Variants in ONECUT3 observed in about 807,000 individuals in gnomAD.
ONECUT3 encodes one cut homeobox 3.
ONECUT3 carries 11 observed loss-of-function variants against 16.8 expected under a neutral mutation model. The ratio of observed to expected loss-of-function variants is 0.66; its 90% CI spans 0.41 to 1.09. The LOEUF is 1.09. Ranked by LOEUF, ONECUT3 falls within the 50% of genes least tolerant of loss-of-function variation. The pLI is 0.00. For synonymous variants in ONECUT3, 344 were observed against 310.7 expected (o/e 1.11, Z -1.13); for missense variants, 637 against 629.9 (o/e 1.01, Z -0.12).
rs1470495167 is a variant in ONECUT3 at position 1,759,856 on chromosome 19, C to T, written c.1192+5002C>T. Among the ~76,000 whole-genome samples, 3 of 152,172 alleles carry T rather than the reference C, an allele frequency of 2.0e-5. No homozygotes were observed. Among genetic ancestry groups the T allele is most frequent in the Non-Finnish European group, 2.9e-5 (2 of 68,018 alleles). ...AGGGATGCACGGAGTGTGGATAGACCGAGACCGTGCCCAGGGCCACGAGAA... is the reference window on the plus strand; with the variant it reads ...AGGGATGCACGGAGTGTGGATAGACTGAGACCGTGCCCAGGGCCACGAGAA... On this transcript the variant is annotated intron_variant, in intron 1 of 1. Coordinates refer to ENST00000382349, the MANE Select transcript of ONECUT3 (RefSeq NM_001080488.2). The surrounding 1 kb of genome is among the most constrained non-coding windows in gnomAD (Gnocchi z 4.1).
chr19:1,775,097 C>A, intron 1 of ONECUT3, 56 bp from the exon 2 acceptor site: 1 of 1,227,010 alleles, frequency 8.1e-7, no homozygotes, highest in Non-Finnish European at 1.1e-6. Context: ...TCTCCCCGGC[C>A]GGCCACACGG....
intron 1 of ONECUT3, among the ~76,000 whole-genome samples, chr19:1,760,970 T>C (rs2067943393): frequency 6.6e-6 from 1 of 151,458 alleles, no homozygotes; most frequent in Non-Finnish European, 1.5e-5. Context: ...CCAACAACCA[T>C]TACCACTCTA....
intron 1 of ONECUT3, among the ~76,000 whole-genome samples, chr19:1,770,359 C>G (rs1349911435): frequency 6.6e-6 from 1 of 152,106 alleles, no homozygotes; most frequent in African/African-American, 2.4e-5. Flanking sequence ...ATTGCTTGAG[C>G]CCAGGAGTTC....
Position 1,764,393 on chromosome 19 carries a change from A to G in ONECUT3, c.1192+9539A>G, listed in dbSNP as rs1039812900. On this transcript the variant is annotated intron_variant, in intron 1 of 1. Coordinates refer to ENST00000382349, the MANE Select transcript of ONECUT3 (RefSeq NM_001080488.2). This position sits in a 1 kb window ranked among gnomAD's most constrained non-coding sequence, Gnocchi z 5.0. ...AGGCTCAGAACTAATTTGAAAATGC[A>G]GTCATTAAAATCCCATCAGGGGAGG... is the stretch of plus-strand genomic sequence containing the variant. Among the ~76,000 whole-genome samples the G allele has an allele frequency of 1.1e-4, 16 of 152,138 alleles. No homozygotes were observed. Among genetic ancestry groups the G allele is most frequent in the Admixed American group, 1.0e-3 (16 of 15,280 alleles).
At chr19:1,765,377 C>T (rs2067977278) in intron 1 of ONECUT3, among the ~76,000 whole-genome samples, 1 of 152,216 alleles carries the variant, frequency 6.6e-6, no homozygotes, top group South Asian at 2.1e-4. Context: ...TCCTCCCTCC[C>T]AGCCAGCAGT....
rs566408566 is a variant in ONECUT3, at chr19:1,759,767, A to G, written c.1192+4913A>G. On this transcript the variant is annotated intron_variant, in intron 1 of 1. Coordinates refer to ENST00000382349, the MANE Select transcript of ONECUT3 (RefSeq NM_001080488.2). The surrounding 1 kb of genome is among the most constrained non-coding windows in gnomAD (Gnocchi z 4.1). ...AAATGGGCAGAATGAAATGACGCCTAGGAGAGGGGGTATGAGGGGCTGGAG... is the reference window on the plus strand; with the variant it reads ...AAATGGGCAGAATGAAATGACGCCTGGGAGAGGGGGTATGAGGGGCTGGAG... Among the ~76,000 whole-genome samples the G allele has an allele frequency of 1.5e-4, 23 of 152,086 alleles. No homozygotes were observed. The South Asian group carries it at 4.8e-3, about 32-fold the overall frequency.
rs777285156 is a variant in ONECUT3 at position 1,754,792 on chromosome 19, G to T, written c.1130G>T (p.Arg377Leu). ...CTCAAATCCGGCCGCGAGACCTTCC[G>T]CAGGATGTGGAAGTGGCTGCAGGAG... ...SKLKSGRETF[R>L]RMWKWLQEPE... The change falls in exon 1 of 2, where the codon CGC (arginine) becomes CTC (leucine). Residue 377 changes from arginine to leucine, a missense_variant. Transcript: ENST00000382349. The surrounding 1 kb of genome is among the most constrained non-coding windows in gnomAD (Gnocchi z 7.4). 6.4e-7 allele frequency: 1 copy of T among 1,562,950 alleles called. No individual in the cohort carries two copies. Among genetic ancestry groups the T allele is most frequent in the South Asian group, 1.2e-5 (1 of 84,262 alleles).
At chr19:1,767,617 C>A (rs2068004700) in intron 1 of ONECUT3, among the ~76,000 whole-genome samples, 2 of 152,214 alleles carry the variant, frequency 1.3e-5, no homozygotes, top group South Asian at 4.1e-4. Context: ...GCGGGGACGG[C>A]TGCCCTCTGC....
intron 1 of ONECUT3, among the ~76,000 whole-genome samples, chr19:1,757,121 G>T (rs991918146): frequency 7.1e-6 from 1 of 141,424 alleles, no homozygotes; most frequent in Non-Finnish European, 1.5e-5. Context: ...AACCGCAGGC[G>T]AGAAGTCCCA....
intron 1 of ONECUT3, among the ~76,000 whole-genome samples, chr19:1,769,812 G>A (rs879611739): frequency 1.3e-4 from 20 of 152,098 alleles, no homozygotes; most frequent in Non-Finnish European, 2.5e-4. Context: ...GGGAAGGGGG[G>A]CAGCAGAGCC....
At chr19:1,763,521 G>A (rs1475587441) in intron 1 of ONECUT3, among the ~76,000 whole-genome samples, 1 of 151,876 alleles carries the variant, frequency 6.6e-6, no homozygotes, top group Non-Finnish European at 1.5e-5. Flanking sequence ...ATTCCAGCCT[G>A]GGCAACACAG....
chr19:1,777,691 C>T lies in ONECUT3; in HGVS notation c.*2246C>T, dbSNP rs1211686505. 4 of 152,162 alleles carry T rather than the reference C, an allele frequency of 2.6e-5. No homozygotes were observed. Among genetic ancestry groups the T allele is most frequent in the Non-Finnish European group, 5.9e-5 (4 of 68,048 alleles). The allele number at this position is 152,162 out of a possible 1,614,324, so 9.4% of individuals were successfully genotyped here. On this transcript the variant is annotated 3_prime_UTR_variant, in exon 2 of 2. Transcript: ENST00000382349. ...AGGTCCAGGGCCCACGTTTTAATTT[C>T]TTTTTAAAAAGCTTTAGGTCTTGCC...
chr19:1,760,661 G>A (rs148171398), intron 1 of ONECUT3, among the ~76,000 whole-genome samples: 1 of 151,838 alleles, frequency 6.6e-6, no homozygotes, highest in Non-Finnish European at 1.5e-5. Flanking sequence ...TGGGCGGTGG[G>A]GGGGGGCCAG....
chr19:1,760,602 G>A (rs1225693868), intron 1 of ONECUT3, among the ~76,000 whole-genome samples: 2 of 151,750 alleles, frequency 1.3e-5, no homozygotes, highest in Non-Finnish European at 2.9e-5. Context: ...GATGTTGTGG[G>A]CATGTGAGTC....
rs2067911650 is a variant in ONECUT3 at position 1,755,435 on chromosome 19, G to A, written c.1192+581G>A. 6.6e-6 allele frequency among the ~76,000 whole-genome samples: 1 copy of A among 151,790 alleles called. No individual in the cohort carries two copies. Among genetic ancestry groups the A allele is most frequent in the African/African-American group, 2.4e-5 (1 of 41,320 alleles). ...GCGCTTCTTTGTAGTTCGGCCCCGC[G>A]ATCGATACCCCCTCCCTCTCCCCTC... On this transcript the variant is annotated intron_variant, in intron 1 of 1. Coordinates refer to ENST00000382349, the MANE Select transcript of ONECUT3 (RefSeq NM_001080488.2). This position sits in a 1 kb window ranked among gnomAD's most constrained non-coding sequence, Gnocchi z 7.5.
intron 1 of ONECUT3, among the ~76,000 whole-genome samples, chr19:1,760,019 G>T (rs1479736962): frequency 6.6e-6 from 1 of 152,170 alleles, no homozygotes; most frequent in African/African-American, 2.4e-5. Context: ...TCAGGCTCCC[G>T]CCTCCCGTGC....
Position 1,759,264 on chromosome 19 carries a change from A to G in ONECUT3, c.1192+4410A>G, listed in dbSNP as rs915510644. 7.9e-5 allele frequency among the ~76,000 whole-genome samples: 12 copies of G among 152,182 alleles called. No individual in the cohort carries two copies. The highest frequency in any genetic ancestry group is 2.9e-4 in the African/African-American group (12 of 41,434). Reference sequence around the variant, plus strand: ...GGACTGGGGACCTGAGGGGAAGGACATGGAAAGGAAAAAGAGGCAGAACCT... The same window carrying G: ...GGACTGGGGACCTGAGGGGAAGGACGTGGAAAGGAAAAAGAGGCAGAACCT... On this transcript the variant is annotated intron_variant, in intron 1 of 1. Transcript: ENST00000382349. The surrounding 1 kb of genome is among the most constrained non-coding windows in gnomAD (Gnocchi z 4.1).
In ONECUT3 at chr19:1,762,584, C is replaced by T. The variant is rs1483132435; in HGVS notation, c.1192+7730C>T. On this transcript the variant is annotated intron_variant, in intron 1 of 1. Coordinates refer to ENST00000382349, the MANE Select transcript of ONECUT3 (RefSeq NM_001080488.2). The surrounding 1 kb of genome is among the most constrained non-coding windows in gnomAD (Gnocchi z 4.4). ...TGGCGGGTGTGTGGATCCCAGAGCG[C>T]GCCCGGCCCCCAACAGCCTGACAGG... 1.3e-5 allele frequency among the ~76,000 whole-genome samples: 2 copies of T among 152,214 alleles called. No individual in the cohort carries two copies. Among genetic ancestry groups the T allele is most frequent in the African/African-American group, 2.4e-5 (1 of 41,456 alleles).
chr19:1,759,962 C>T lies in ONECUT3; in HGVS notation c.1192+5108C>T, dbSNP rs1046977279. Among the ~76,000 whole-genome samples, 1 of 152,182 alleles carries T rather than the reference C, an allele frequency of 6.6e-6. No homozygotes were observed. The highest frequency in any genetic ancestry group is 2.4e-5 in the African/African-American group (1 of 41,458). ...AGCACCCTCCCACAAAACTTCAGGGCCCGGGGAGGAGCAGCCCTAGCTAGG... is the reference window on the plus strand; with the variant it reads ...AGCACCCTCCCACAAAACTTCAGGGTCCGGGGAGGAGCAGCCCTAGCTAGG... On this transcript the variant is annotated intron_variant, in intron 1 of 1. Transcript: ENST00000382349. This position sits in a 1 kb window ranked among gnomAD's most constrained non-coding sequence, Gnocchi z 4.1.
Sources: gnomAD v4.1 joint callset for allele counts (sites outside exome capture counted in the v4.1 genomes callset) on GRCh38, gnomAD v4.1.1 for gene constraint, Gnocchi (gnomAD v3.1) non-coding constraint, MANE v1.5 for transcripts, NCBI Gene and HGNC (gene_info 2026-07-23, HGNC 2026-07-21) for gene names.